Variants in G3BP2 observed in about 807,000 individuals in gnomAD.
G3BP2 encodes ras GTPase-activating protein-binding protein 2.
In G3BP2, 11 loss-of-function variants were observed where a neutral mutation model predicts 56.7. The observed-to-expected ratio is 0.19, with a 90% confidence interval of 0.12 to 0.32. The LOEUF (loss-of-function observed/expected upper bound fraction) is 0.32, where lower values mean the gene tolerates loss of function less well. Among genes scored for constraint, G3BP2 ranks in the 10% least tolerant of loss-of-function variants. The probability of loss-of-function intolerance (pLI) is 1.00; values close to 1 mark genes in which losing one functional copy is unlikely to be tolerated. For missense variants in G3BP2, 340 were observed against 610.9 expected (o/e 0.56, Z 4.67); for synonymous variants, 165 against 191.6 (o/e 0.86, Z 1.15).
At chr4:75,702,171 ATT>A (rs57529973) in intron 3 of G3BP2, among the ~76,000 whole-genome samples, 1,295 of 107,462 alleles carry the variant, frequency 0.012, 18 homozygotes, top group African/African-American at 0.042. Flanking sequence ...AAACCCCCCA[ATT>A]TTTTTTTTTT....
intron 5 of G3BP2, among the ~76,000 whole-genome samples, 195 bp from the exon 6 acceptor site, chr4:75,656,065 A>T (rs1466676618): frequency 6.7e-6 from 1 of 148,758 alleles, no homozygotes; most frequent in African/African-American, 2.5e-5. Context: ...ATCTTGGCTC[A>T]CTGCAACCTC....
chr4:75,694,665 G>T, intron 3 of G3BP2: 2 of 507,356 alleles, frequency 3.9e-6, no homozygotes, highest in Admixed American at 6.4e-5. Flanking sequence ...TTGAATCCGC[G>T]AGGCGGCGGT....
intron 3 of G3BP2, among the ~76,000 whole-genome samples, chr4:75,691,007 C>T (rs1718832370): frequency 6.6e-6 from 1 of 152,106 alleles, no homozygotes; most frequent in Non-Finnish European, 1.5e-5. Flanking sequence ...GTTCACTGGT[C>T]CCTCCTTTTT....
intron 3 of G3BP2, among the ~76,000 whole-genome samples, chr4:75,700,799 G>T (rs577839067): frequency 4.2e-4 from 63 of 151,692 alleles, no homozygotes; most frequent in African/African-American, 1.4e-3. Flanking sequence ...TTATTAAGAT[G>T]ACCCTTAAAA....
chr4:75,647,007 A>C (rs2175766), intron 10 of G3BP2, 22 bp downstream of exon 10: 773,229 of 1,484,268 alleles, frequency 0.52, 206,824 homozygotes, highest in African/African-American at 0.69. Flanking sequence ...TAAAAACTCC[A>C]ACAGCAAAAT....
At chr4:75,704,728 G>A (rs1420995419) in intron 3 of G3BP2, among the ~76,000 whole-genome samples, 2 of 152,166 alleles carry the variant, frequency 1.3e-5, no homozygotes, top group South Asian at 2.1e-4. Flanking sequence ...CACCTCCTGG[G>A]TTCAAGCGAT....
At chr4:75,678,296 TTGTGTGTGTGTGTGTGTGTGTGTGTGTG>T (rs57550763), upstream of G3BP2, among the ~76,000 whole-genome samples, 3 of 144,472 alleles carry the variant, frequency 2.1e-5, no homozygotes, top group Non-Finnish European at 4.5e-5. Context: ...CGTGCCTAGC[TTGTGTGTGTGTGTGTGTGTGTGTGTGTG>T]TGTGTGTGTG....
intron 3 of G3BP2, among the ~76,000 whole-genome samples, chr4:75,703,554 T>TAC (rs1463041339): frequency 1.3e-5 from 2 of 152,148 alleles, no homozygotes; most frequent in Non-Finnish European, 2.9e-5. Flanking sequence ...CTAAAATGTA[T>TAC]ACGACTGTGA....
intron 3 of G3BP2, among the ~76,000 whole-genome samples, chr4:75,696,232 G>A (rs1163075061): frequency 6.6e-6 from 1 of 152,094 alleles, no homozygotes; most frequent in Non-Finnish European, 1.5e-5. Context: ...TTAGAGAGGA[G>A]CCAGACAAAC....
At chr4:75,706,693 A>G (rs1023943113) in intron 3 of G3BP2, among the ~76,000 whole-genome samples, 1 of 151,754 alleles carries the variant, frequency 6.6e-6, no homozygotes. Context: ...AAAAAAAAAA[A>G]AGAATGAGCA....
intron 3 of G3BP2, among the ~76,000 whole-genome samples, chr4:75,707,603 CAAAA>C (rs34253273): frequency 8.6e-6 from 1 of 116,804 alleles, no homozygotes; most frequent in Non-Finnish European, 1.8e-5. Flanking sequence ...GAGCGAGACT[CAAAA>C]AAAAAAAAAA....
intron 8 of G3BP2, among the ~76,000 whole-genome samples, chr4:75,649,321 G>T (rs891918645): frequency 6.6e-6 from 1 of 152,104 alleles, no homozygotes; most frequent in African/African-American, 2.4e-5. Context: ...AAAAATGACA[G>T]AAACTTATAG....
intron 3 of G3BP2, chr4:75,694,953 C>T: frequency 1.0e-6 from 1 of 985,058 alleles, no homozygotes; most frequent in East Asian, 1.1e-4. Flanking sequence ...ACAAGAAAGG[C>T]AGGACTGTGA....
chr4:75,655,942 G>C, intron 5 of G3BP2, 72 bp from the exon 6 acceptor site: 1 of 796,122 alleles, frequency 1.3e-6, no homozygotes, highest in Non-Finnish European at 2.1e-6. Context: ...TTTTTAACAT[G>C]TTTAAGGAAG....
chr4:75,711,204 A>G (rs1719742528), intron 3 of G3BP2, among the ~76,000 whole-genome samples: 1 of 151,626 alleles, frequency 6.6e-6, no homozygotes, highest in South Asian at 2.1e-4. Flanking sequence ...CTGTAATCCC[A>G]GCTACTTGGG....
intron 6 of G3BP2, 99 bp downstream of exon 6, chr4:75,655,669 G>C: frequency 1.4e-6 from 1 of 694,662 alleles, no homozygotes; most frequent in Non-Finnish European, 2.6e-6. Flanking sequence ...ATAATAGGTG[G>C]TTTTATCAAG....
intron 3 of G3BP2, among the ~76,000 whole-genome samples, chr4:75,697,273 CAAAAAAAAAAAA>C (rs869037819): frequency 3.5e-5 from 1 of 28,832 alleles, no homozygotes; most frequent in African/African-American, 1.4e-4. Context: ...GACTCTGTCT[CAAAAAAAAAAAA>C]AAAAAAAAAA....
chr4:75,708,410 A>G (rs1719633209), intron 3 of G3BP2, among the ~76,000 whole-genome samples: 1 of 152,214 alleles, frequency 6.6e-6, no homozygotes, highest in African/African-American at 2.4e-5. Flanking sequence ...AACAAATTCT[A>G]TAAGCCACAT....
chr4:75,664,357 G>A (rs28693963), intron 1 of G3BP2, among the ~76,000 whole-genome samples: 46,362 of 151,652 alleles, frequency 0.31, 8,579 homozygotes, highest in East Asian at 0.76. Flanking sequence ...TGGGCAGATC[G>A]CCTGAGGTCA....
Sources: gnomAD v4.1 joint callset for allele counts (sites outside exome capture counted in the v4.1 genomes callset) on GRCh38, gnomAD v4.1.1 for gene constraint, MANE v1.5 for transcripts, NCBI Gene and HGNC (gene_info 2026-07-23, HGNC 2026-07-21) for gene names.